The following DOCK7 variants were observed in gnomAD, a reference collection of about 807,000 sequenced individuals.
The protein encoded by DOCK7 is dedicator of cytokinesis 7.
DOCK7 carries 138 observed loss-of-function variants against 271.0 expected under a neutral mutation model. That is an observed-to-expected ratio of 0.51 (90% CI 0.44 to 0.59). The LOEUF is 0.59. Among genes scored for constraint, DOCK7 ranks in the 20% least tolerant of loss-of-function variants. The pLI, the probability that DOCK7 is intolerant of heterozygous loss-of-function variation, is 0.00. For missense variants in DOCK7, 2,066 were observed against 2,592.4 expected, an observed-to-expected ratio of 0.80 and a Z score of 4.41; for synonymous variants, 823 against 876.1, an observed-to-expected ratio of 0.94 and a Z score of 1.07.
intron 18 of DOCK7, among the ~76,000 whole-genome samples, chr1:62,575,141 G>T (rs777263935): frequency 6.6e-6 from 1 of 152,136 alleles, no homozygotes; most frequent in Non-Finnish European, 1.5e-5. Context: ...TCCAGAACTC[G>T]AGTGATCCTC....
At chr1:62,669,783 T>C (rs1178585612) in intron 1 of DOCK7, among the ~76,000 whole-genome samples, 3 of 152,226 alleles carry the variant, frequency 2.0e-5, no homozygotes, top group Non-Finnish European at 4.4e-5. Flanking sequence ...GCTCCCACTT[T>C]GGTGGCATTT....
intron 41 of DOCK7, among the ~76,000 whole-genome samples, chr1:62,490,436 G>T (rs910942686): frequency 2.0e-5 from 3 of 152,058 alleles, no homozygotes; most frequent in Non-Finnish European, 2.9e-5. Flanking sequence ...GCTGTAGTAA[G>T]AGAAGAGAGA....
rs1245747808 is a variant in DOCK7, at chr1:62,582,542, T to G, written c.1871+642A>C. On this transcript the variant is annotated intron_variant, in intron 16 of 49. Coordinates refer to ENST00000635253, the MANE Select transcript of DOCK7 (RefSeq NM_001367561.1). ...TCCAGCCTGGGGGACAGAGCGAGAC[T>G]CCGTCTCAAAAAAAAAAAAAAAAAA... 9.1e-5 allele frequency among the ~76,000 whole-genome samples: 7 copies of G among 77,230 alleles called. No individual in the cohort carries two copies. The Admixed American group carries it at 1.4e-3, about 16-fold the overall frequency. The allele number at this position is 77,230 out of a possible 152,430, so 50.7% of individuals were successfully genotyped here.
intron 14 of DOCK7, among the ~76,000 whole-genome samples, chr1:62,599,274 G>C (rs1471809886): frequency 1.3e-5 from 2 of 151,968 alleles, no homozygotes; most frequent in Non-Finnish European, 2.9e-5. Flanking sequence ...CGCTTTACCA[G>C]TATTCAAACA....
At chr1:62,626,930 T>C (rs1233390497) in intron 11 of DOCK7, among the ~76,000 whole-genome samples, 1 of 151,958 alleles carries the variant, frequency 6.6e-6, no homozygotes, top group Non-Finnish European at 1.5e-5. Flanking sequence ...GACAGAGTCA[T>C]CAAAAGAAAG....
In DOCK7 at chr1:62,475,872, G is replaced by A. The variant is rs771762947; in HGVS notation, c.5796C>T (p.Phe1932=). The A allele has an allele frequency of 5.0e-6, 8 of 1,614,004 alleles. No homozygotes were observed. The highest frequency in any genetic ancestry group is 1.7e-5 in the Admixed American group (1 of 60,016). The change falls in exon 46 of 50, where the codon TTC becomes TTT. Residue 1932 remains phenylalanine, a synonymous_variant. Transcript: ENST00000635253. ...TYEMKDRITY[F]DKNYNLRRFM... ...ATCGACGAAGATTGTAATTTTTGTC[G>A]AAATAGGTGATTCTGTCCTTCATCT...
intron 1 of DOCK7, among the ~76,000 whole-genome samples, chr1:62,682,057 A>C (rs552856262): frequency 3.7e-4 from 56 of 152,256 alleles, no homozygotes; most frequent in African/African-American, 1.2e-3. Context: ...GAAAAAAAAA[A>C]AACAGCAGAA....
intron 43 of DOCK7, chr1:62,482,462 A>G: frequency 6.5e-6 from 1 of 152,806 alleles, no homozygotes; most frequent in Non-Finnish European, 1.5e-5. Context: ...CTCCTGCCTC[A>G]GCCTCCCAAG....
At chr1:62,480,460 A>C (rs1322492265) in intron 43 of DOCK7, among the ~76,000 whole-genome samples, 1 of 152,222 alleles carries the variant, frequency 6.6e-6, no homozygotes, top group Admixed American at 6.5e-5. Flanking sequence ...TCAAATAATT[A>C]CAAAACAAAG....
intron 14 of DOCK7, chr1:62,602,284 G>T (rs1177976784): frequency 6.2e-7 from 1 of 1,600,884 alleles, no homozygotes; most frequent in Non-Finnish European, 8.6e-7. Context: ...ATTATATTCA[G>T]GTAGTCCATG....
chr1:62,642,702 CA>C (rs1433534319), intron 7 of DOCK7, among the ~76,000 whole-genome samples: 1 of 152,042 alleles, frequency 6.6e-6, no homozygotes, highest in Non-Finnish European at 1.5e-5. Context: ...ACTCTATTAC[CA>C]CAAACACAGG....
intron 37 of DOCK7, among the ~76,000 whole-genome samples, chr1:62,497,706 TCA>T (rs765311109): frequency 2.3e-4 from 35 of 152,170 alleles, no homozygotes; most frequent in Non-Finnish European, 4.4e-4. Flanking sequence ...TTCATATCTC[TCA>T]GTCTAACCTC....
intron 31 of DOCK7, among the ~76,000 whole-genome samples, chr1:62,524,338 C>T (rs1481971996): frequency 1.3e-5 from 2 of 152,142 alleles, no homozygotes; most frequent in African/African-American, 4.8e-5. Context: ...AAGATACCCA[C>T]AGTCTATGAC....
At chr1:62,634,500 C>T (rs1655014720) in intron 9 of DOCK7, 1 of 215,856 alleles carries the variant, frequency 4.6e-6, no homozygotes, top group Non-Finnish European at 9.0e-6. Flanking sequence ...CTCATACTTC[C>T]TGATATGAAA....
At chr1:62,547,472 A>G (rs1404345016) in intron 22 of DOCK7, among the ~76,000 whole-genome samples, 2 of 152,188 alleles carry the variant, frequency 1.3e-5, no homozygotes, top group East Asian at 3.8e-4. Context: ...TATAGATAAG[A>G]TCCTTGAGCA....
intron 43 of DOCK7, chr1:62,485,554 C>T: frequency 2.0e-6 from 2 of 985,280 alleles, no homozygotes; most frequent in Non-Finnish European, 2.4e-6. Context: ...GAAAGATCTA[C>T]CAGAATACTA....
At chr1:62,596,178 ATTATTG>A (rs149364366) in intron 14 of DOCK7, among the ~76,000 whole-genome samples, 5,516 of 152,142 alleles carry the variant, frequency 0.036, 243 homozygotes, top group African/African-American at 0.1. Context: ...CTCTACATGT[ATTATTG>A]TTAAATTATC....
chr1:62,513,845 G>T lies in DOCK7; in HGVS notation c.3990C>A (p.Ile1330=). Residue 1330 remains isoleucine, a synonymous_variant, in exon 32 of 50, where the codon ATC becomes ATA. Transcript: ENST00000635253. ...FSAESSRSLL[I]CLLWVLKNAD... Reference sequence around the variant, plus strand: ...CATTTTTGAGAACCCAAAGTAGACAGATCAAAAGGCTTCGACTTGATTCTG... The same window carrying T: ...CATTTTTGAGAACCCAAAGTAGACATATCAAAAGGCTTCGACTTGATTCTG... The T allele has an allele frequency of 1.9e-6, 3 of 1,614,026 alleles. No individual in the cohort carries two copies. Among genetic ancestry groups the T allele is most frequent in the East Asian group, 2.2e-5 (1 of 44,858 alleles).
chr1:62,670,851 T>G (rs373273358), intron 1 of DOCK7, among the ~76,000 whole-genome samples: 1 of 149,384 alleles, frequency 6.7e-6, no homozygotes, highest in South Asian at 2.2e-4. Flanking sequence ...GCAACCTGCT[T>G]GGGTCCCCTT....
Sources: allele counts gnomAD v4.1 joint callset (sites outside exome capture counted in the v4.1 genomes callset), GRCh38; gene constraint gnomAD v4.1.1; transcripts MANE v1.5; gene names NCBI Gene and HGNC (gene_info 2026-07-23, HGNC 2026-07-21).